Variants in FSD1L observed in about 807,000 individuals in gnomAD.
FSD1L encodes the protein FSD1-like protein.
FSD1L carries 45 observed loss-of-function variants against 71.6 expected under a neutral mutation model. The observed-to-expected ratio is 0.63, with a 90% CI of 0.49 to 0.81. FSD1L has a LOEUF of 0.81. Among genes scored for constraint, FSD1L ranks in the 30% least tolerant of loss-of-function variants. FSD1L has a pLI of 0.00. For missense variants in FSD1L, 561 were observed against 618.1 expected, an observed-to-expected ratio of 0.91 and a Z score of 0.98; for synonymous variants, 197 against 207.2, an observed-to-expected ratio of 0.95 and a Z score of 0.42.
intron 5 of FSD1L, chr9:105,473,199 C>T (rs1205176919): frequency 6.6e-6 from 1 of 152,120 alleles, no homozygotes; most frequent in Non-Finnish European, 1.5e-5. Context: ...CCCAGCTACT[C>T]GAAGGCTGAG....
intron 1 of FSD1L, among the ~76,000 whole-genome samples, chr9:105,450,126 G>A (rs940871195): frequency 1.3e-5 from 2 of 152,166 alleles, no homozygotes; most frequent in Non-Finnish European, 2.9e-5. Context: ...TCCTTTTCTC[G>A]TATGAATTCC....
chr9:105,472,143 G>A (rs1433076470), intron 5 of FSD1L, 138 bp downstream of exon 5: 3 of 1,045,246 alleles, frequency 2.9e-6, no homozygotes, highest in Non-Finnish European at 3.8e-6. Context: ...TAAGTAAAAT[G>A]CTGGCTGTTC....
At chr9:105,474,948 T>G (rs1186928940) in intron 5 of FSD1L, among the ~76,000 whole-genome samples, 1 of 152,198 alleles carries the variant, frequency 6.6e-6, no homozygotes, top group Admixed American at 6.5e-5. Flanking sequence ...TTTTAACTGC[T>G]AGAAGTTTGG....
chr9:105,500,976 A>T (rs1429432943), intron 7 of FSD1L, among the ~76,000 whole-genome samples: 1 of 152,196 alleles, frequency 6.6e-6, no homozygotes, highest in Non-Finnish European at 1.5e-5. Flanking sequence ...TCCCATCACT[A>T]AAATAATTCG....
chr9:105,477,175 G>A (rs965174174), intron 5 of FSD1L, among the ~76,000 whole-genome samples: 18 of 152,034 alleles, frequency 1.2e-4, no homozygotes, highest in Admixed American at 7.9e-4. Flanking sequence ...TTGAATCATT[G>A]TGGTCAGTTT....
chr9:105,522,762 G>C, intron 10 of FSD1L: 1 of 1,608,920 alleles, frequency 6.2e-7, no homozygotes, highest in Non-Finnish European at 8.5e-7. Context: ...TAATGTTCCT[G>C]ATCTGATGGA....
rs376621032 is a variant in FSD1L at position 105,537,066 on chromosome 9, A to G, written c.1378+1748A>G. 3.9e-5 allele frequency among the ~76,000 whole-genome samples: 6 copies of G among 152,332 alleles called. No homozygotes were observed. In the East Asian group the frequency reaches 9.6e-4, roughly 24 times the overall value. ...CCGTCTTAAAATTATCTAAAAATTTACTTGATATTTATATTTTGAAAAAAT... is the reference window on the plus strand; with the variant it reads ...CCGTCTTAAAATTATCTAAAAATTTGCTTGATATTTATATTTTGAAAAAAT... On this transcript the variant is annotated intron_variant, in intron 12 of 13. Coordinates refer to ENST00000481272, the MANE Select transcript of FSD1L (RefSeq NM_001145313.3).
intron 10 of FSD1L, among the ~76,000 whole-genome samples, chr9:105,519,520 C>T (rs1207448698): frequency 6.6e-6 from 1 of 152,140 alleles, no homozygotes; most frequent in Non-Finnish European, 1.5e-5. Flanking sequence ...AAATATAATC[C>T]ATCACATAAA....
chr9:105,478,351 G>A (rs1362609193), intron 5 of FSD1L, among the ~76,000 whole-genome samples: 1 of 152,174 alleles, frequency 6.6e-6, no homozygotes, highest in Admixed American at 6.5e-5. Context: ...AACAACGTTA[G>A]AACTGAAGAA....
intron 5 of FSD1L, among the ~76,000 whole-genome samples, chr9:105,473,871 T>A (rs771915584): frequency 6.6e-6 from 1 of 152,268 alleles, no homozygotes; most frequent in African/African-American, 2.4e-5. Flanking sequence ...GTTTCTGTTA[T>A]AATTTGTTCC....
chr9:105,526,052 C>T, intron 10 of FSD1L: 6 of 1,505,028 alleles, frequency 4.0e-6, no homozygotes, highest in Non-Finnish European at 5.6e-6. Context: ...GTAATATATC[C>T]AATGAAAAAT....
chr9:105,543,702 G>A (rs1185071435), intron 13 of FSD1L, among the ~76,000 whole-genome samples: 13 of 152,076 alleles, frequency 8.5e-5, no homozygotes, highest in African/African-American at 2.7e-4. Flanking sequence ...TTGTCCCTGC[G>A]ATAGTTTGCT....
rs1197999279 is a variant in FSD1L at position 105,484,376 on chromosome 9, C to T, written c.465-5C>T. ...TTTTAAAAAGTATGTTTGTGTTTAC[C>T]GTAGAGTCACAATGGCTTCAGCCTT... On this transcript the variant is annotated splice_region_variant and splice_polypyrimidine_tract_variant and intron_variant, in intron 6 of 13. Coordinates refer to ENST00000481272, the MANE Select transcript of FSD1L (RefSeq NM_001145313.3). 16 of 1,495,624 alleles carry T rather than the reference C, an allele frequency of 1.1e-5. No homozygotes were observed. The Admixed American group carries it at 1.8e-4, about 16-fold the overall frequency. The allele number at this position is 1,495,624 out of a possible 1,614,324, so 92.6% of individuals were successfully genotyped here.
At chr9:105,545,770 A>G (rs1024946295) in intron 13 of FSD1L, among the ~76,000 whole-genome samples, 1 of 152,096 alleles carries the variant, frequency 6.6e-6, no homozygotes, top group Non-Finnish European at 1.5e-5. Context: ...AAGCAGTTTT[A>G]TCTTTCACAA....
intron 10 of FSD1L, chr9:105,522,366 C>T: frequency 6.2e-7 from 1 of 1,614,008 alleles, no homozygotes; most frequent in South Asian, 1.1e-5. Context: ...AGGAGTTGGA[C>T]ATGAATTTCA....
At chr9:105,522,058 T>C in intron 10 of FSD1L, 2 of 1,613,158 alleles carry the variant, frequency 1.2e-6, no homozygotes, top group Non-Finnish European at 1.7e-6. Flanking sequence ...CAAGCTTTTC[T>C]ACAGTTCCAA....
intron 4 of FSD1L, among the ~76,000 whole-genome samples, chr9:105,470,841 A>G (rs1181244731): frequency 6.6e-6 from 1 of 152,214 alleles, no homozygotes; most frequent in Non-Finnish European, 1.5e-5. Flanking sequence ...CTAATAAGAA[A>G]TGAATTCATT....
intron 2 of FSD1L, among the ~76,000 whole-genome samples, chr9:105,463,671 A>G (rs1359093484): frequency 6.6e-6 from 1 of 152,204 alleles, no homozygotes; most frequent in Non-Finnish European, 1.5e-5. Flanking sequence ...TTTAAATAGG[A>G]AGCATTATCA....
chr9:105,470,686 A>G (rs908474878), intron 4 of FSD1L, among the ~76,000 whole-genome samples: 17 of 152,132 alleles, frequency 1.1e-4, no homozygotes, highest in Non-Finnish European at 2.2e-4. Flanking sequence ...CACAATTTCC[A>G]AGGATCAGAT....
Sources: allele counts gnomAD v4.1 joint callset (sites outside exome capture counted in the v4.1 genomes callset), GRCh38; gene constraint gnomAD v4.1.1; transcripts MANE v1.5; gene names NCBI Gene and HGNC (gene_info 2026-07-23, HGNC 2026-07-21).